LEMD1: variants seen among roughly 807,000 people sequenced by gnomAD.
LEMD1 encodes the protein LEM domain containing 1.
Under a neutral mutation model 17.4 loss-of-function variants are expected in LEMD1, and 18 were observed. The observed-to-expected ratio is 1.04, with a 90% CI of 0.72 to 1.54. The LOEUF (loss-of-function observed/expected upper bound fraction) is 1.54, where lower values mean the gene tolerates loss of function less well. Ranked by LOEUF, LEMD1 falls within the 40% of genes most tolerant of loss-of-function variation. The pLI, the probability that LEMD1 is intolerant of heterozygous loss-of-function variation, is 0.00. For missense variants in LEMD1, 195 were observed against 210.4 expected, an observed-to-expected ratio of 0.93 and a Z score of 0.45; for synonymous variants, 88 against 77.8, an observed-to-expected ratio of 1.13 and a Z score of -0.69.
intron 1 of LEMD1, among the ~76,000 whole-genome samples, chr1:205,430,202 C>T (rs78826177): frequency 0.013 from 2,030 of 152,334 alleles, 53 homozygotes; most frequent in African/African-American, 0.046. Context: ...GTCATTCTCT[C>T]TGCTGCTTGC....
intron 1 of LEMD1, among the ~76,000 whole-genome samples, chr1:205,445,520 A>C (rs929827788): frequency 2.8e-4 from 43 of 152,242 alleles, no homozygotes; most frequent in African/African-American, 1.0e-3. Context: ...TGGCCTTCAG[A>C]GACCACAGAC....
intron 1 of LEMD1, among the ~76,000 whole-genome samples, chr1:205,449,617 G>GC (rs113645887): frequency 0.095 from 14,374 of 152,076 alleles, 740 homozygotes; most frequent in African/African-American, 0.11. Flanking sequence ...AGCACAGCAC[G>GC]CCCCTCCACA....
intron 4 of LEMD1, among the ~76,000 whole-genome samples, chr1:205,388,831 G>A (rs1267020921): frequency 6.6e-6 from 1 of 151,868 alleles, no homozygotes; most frequent in Non-Finnish European, 1.5e-5. Context: ...TCATAAGGGT[G>A]TTTTTTTCCA....
chr1:205,412,155 T>C lies in LEMD1; in HGVS notation c.270+4077A>G, dbSNP rs190188587. ...GCCACCTTACTCAAAGCCCATTTTA[T>C]GTAGCTTGACATTGTAGATTACTCT... On this transcript the variant is annotated intron_variant, in intron 4 of 5. Transcript: ENST00000367153. Among the ~76,000 whole-genome samples the C allele has an allele frequency of 2.0e-5, 3 of 152,318 alleles. No homozygotes were observed. In the East Asian group the frequency reaches 5.8e-4, roughly 29 times the overall value.
At position 205,419,355 on chromosome 1, in the gene LEMD1, G is replaced by A. The variant is rs1665852135; in HGVS notation, c.83-3C>T. On this transcript the variant is annotated splice_polypyrimidine_tract_variant and splice_region_variant and intron_variant, in intron 2 of 5. Transcript: ENST00000367153. ...TTCATACAACTTTCTGGTGGAAGCT[G>A]AGGAAGAATTTGGAGAACAAATTAA... 2 of 1,614,180 alleles carry A rather than the reference G, an allele frequency of 1.2e-6. No individual in the cohort carries two copies. Among genetic ancestry groups the A allele is most frequent in the Non-Finnish European group, 1.7e-6 (2 of 1,180,000 alleles).
chr1:205,440,119 G>T (rs982860522), intron 1 of LEMD1, among the ~76,000 whole-genome samples: 1 of 152,176 alleles, frequency 6.6e-6, no homozygotes, highest in Non-Finnish European at 1.5e-5. Flanking sequence ...GGAGGGCACG[G>T]CTCAGTCCAG....
intron 1 of LEMD1, among the ~76,000 whole-genome samples, chr1:205,432,358 G>A (rs151235598): frequency 2.6e-4 from 39 of 152,274 alleles, no homozygotes; most frequent in African/African-American, 8.9e-4. Context: ...TTGGCCCAGT[G>A]TGCACTGCTC....
At chr1:205,442,167 C>T (rs1666306090) in intron 1 of LEMD1, among the ~76,000 whole-genome samples, 1 of 152,096 alleles carries the variant, frequency 6.6e-6, no homozygotes, top group Admixed American at 6.6e-5. Flanking sequence ...CAGGCCGGGG[C>T]CTGGTCTGAA....
intron 4 of LEMD1, among the ~76,000 whole-genome samples, chr1:205,404,624 C>G (rs1665004498): frequency 1.3e-5 from 2 of 152,322 alleles, no homozygotes; most frequent in South Asian, 2.1e-4. Context: ...TTCCTGAACA[C>G]AGCACACTGA....
At chr1:205,425,712 T>A (rs1000234224), upstream of LEMD1, among the ~76,000 whole-genome samples, 1 of 152,012 alleles carries the variant, frequency 6.6e-6, no homozygotes, top group African/African-American at 2.4e-5. Context: ...AGAAGCATCT[T>A]CCCTTCAAAA....
intron 4 of LEMD1, among the ~76,000 whole-genome samples, chr1:205,404,812 T>C (rs1019868451): frequency 8.5e-5 from 13 of 152,278 alleles, no homozygotes; most frequent in Middle Eastern, 6.8e-3. Context: ...GTCTTTACAT[T>C]TTGGCATGAT....
intron 4 of LEMD1, among the ~76,000 whole-genome samples, chr1:205,402,122 G>A (rs147280807): frequency 0.16 from 24,830 of 152,156 alleles, 2,165 homozygotes; most frequent in Admixed American, 0.21. Flanking sequence ...AGTATAGTTT[G>A]AAGTCGGGTA....
At chr1:205,383,858 A>C (rs1663850952) in intron 5 of LEMD1, among the ~76,000 whole-genome samples, 2 of 148,684 alleles carry the variant, frequency 1.3e-5, no homozygotes, top group Admixed American at 6.7e-5. Context: ...CTGGTCTCGA[A>C]CTCCTGACCT....
chr1:205,425,722 A>C (rs1461749891), upstream of LEMD1, among the ~76,000 whole-genome samples: 1 of 152,228 alleles, frequency 6.6e-6, no homozygotes. Context: ...TCCCTTCAAA[A>C]GCATGAGGCA....
intron 1 of LEMD1, among the ~76,000 whole-genome samples, chr1:205,446,540 C>G (rs1270679119): frequency 6.6e-6 from 1 of 152,234 alleles, no homozygotes; most frequent in African/African-American, 2.4e-5. Context: ...GGGGACTACC[C>G]GGGCAAACTG....
chr1:205,401,848 A>G (rs945685962), intron 4 of LEMD1, among the ~76,000 whole-genome samples: 4 of 152,166 alleles, frequency 2.6e-5, no homozygotes, highest in Non-Finnish European at 5.9e-5. Context: ...CTAACGTTTA[A>G]GTCTTTAATC....
chr1:205,384,881 C>G (rs1044303683), intron 4 of LEMD1, among the ~76,000 whole-genome samples: 2 of 151,840 alleles, frequency 1.3e-5, no homozygotes, highest in Admixed American at 6.6e-5. Flanking sequence ...TTCTATTGAT[C>G]AAGCGCTAAG....
chr1:205,429,294 G>T lies in LEMD1; in HGVS notation c.-38-8720C>A, dbSNP rs566566125. Among the ~76,000 whole-genome samples the T allele has an allele frequency of 1.1e-4, 17 of 152,348 alleles. No homozygotes were observed. In the South Asian group the frequency reaches 3.1e-3, roughly 28 times the overall value. ...GTGGGGAGGGTGGGTATGTTGAACT[G>T]AACCAGAGGAATATGATATCCACGC... On this transcript the variant is annotated intron_variant, in intron 1 of 3. Coordinates refer to the LEMD1 transcript ENST00000367154.
upstream of LEMD1, among the ~76,000 whole-genome samples, chr1:205,426,240 G>A (rs553995085): frequency 1.7e-4 from 26 of 152,268 alleles, no homozygotes; most frequent in Admixed American, 5.9e-4. Flanking sequence ...TCCTTTCCTG[G>A]TATCCTATGA....
Sources: gnomAD v4.1 joint callset for allele counts (sites outside exome capture counted in the v4.1 genomes callset) on GRCh38, gnomAD v4.1.1 for gene constraint, MANE v1.5 for transcripts, NCBI Gene and HGNC (gene_info 2026-07-23, HGNC 2026-07-21) for gene names.